Variants in NGLY1 observed in about 807,000 individuals in gnomAD.
NGLY1 encodes N-glycanase 1.
A neutral mutation model predicts 84.6 loss-of-function variants in NGLY1; 68 were observed. The observed-to-expected ratio is 0.80, with a 90% CI of 0.66 to 0.98. NGLY1 has a LOEUF of 0.98. Among genes scored for constraint, NGLY1 ranks in the 50% least tolerant of loss-of-function variants. The probability of loss-of-function intolerance (pLI) is 0.00; values close to 1 mark genes in which losing one functional copy is unlikely to be tolerated. For missense variants in NGLY1, 779 were observed against 770.2 expected (o/e 1.01, Z -0.14); for synonymous variants, 280 against 275.2 (o/e 1.02, Z -0.17).
At chr3:25,782,601 T>C (rs797006861) in intron 1 of NGLY1, 3 of 152,326 alleles carry the variant, frequency 2.0e-5, no homozygotes, top group African/African-American at 7.2e-5. Context: ...TCCAAGGCGA[T>C]TACCTCCACG....
chr3:25,783,462 G>T (rs963093720), upstream of NGLY1: 3 of 1,367,830 alleles, frequency 2.2e-6, no homozygotes, highest in Admixed American at 4.0e-5. The surrounding 1 kb of genome is among the most constrained non-coding windows in gnomAD (Gnocchi z 4.5). Flanking sequence ...GCCTCAGCGC[G>T]CAGCAGCTAC....
rs748862974 is a variant in NGLY1, at chr3:25,739,799, C to T, written c.659G>A (p.Gly220Asp). 5.0e-5 allele frequency: 80 copies of T among 1,611,082 alleles called. No homozygotes were observed. Among genetic ancestry groups the T allele is most frequent in the Admixed American group, 3.8e-4 (23 of 59,792 alleles). ...AAAATCCTCATCACTTATATTGATACCTGAGAAATTAAGGGAGGACCAAGT... is the reference window on the plus strand; with the variant it reads ...AAAATCCTCATCACTTATATTGATATCTGAGAAATTAAGGGAGGACCAAGT... ...KLSRARKLDK[G>D]INISDEDFLL... The change falls in exon 5 of 12, where the codon GGT becomes GAT. Residue 220 changes from glycine to aspartate, a missense_variant and splice_region_variant. By Grantham distance (94) the Gly-to-Asp change is moderately conservative. Coordinates refer to ENST00000280700, the MANE Select transcript of NGLY1 (RefSeq NM_018297.4).
intron 10 of NGLY1, among the ~76,000 whole-genome samples, chr3:25,721,220 C>G (rs1704971273): frequency 6.6e-6 from 1 of 152,112 alleles, no homozygotes; most frequent in Admixed American, 6.5e-5. Context: ...CCTCCAACTA[C>G]CATGCCTGGC....
At chr3:25,788,167 T>A (rs560637799), upstream of NGLY1, among the ~76,000 whole-genome samples, 99 of 152,278 alleles carry the variant, frequency 6.5e-4, 1 homozygote, top group Admixed American at 2.2e-3. Flanking sequence ...ACTTCAAGCA[T>A]TGATAGGAAG....
At chr3:25,770,147 T>C (rs1281218050) in intron 2 of NGLY1, among the ~76,000 whole-genome samples, 2 of 152,210 alleles carry the variant, frequency 1.3e-5, no homozygotes, top group Non-Finnish European at 2.9e-5. Flanking sequence ...GTAGTATTCA[T>C]AGTATTCCAC....
At chr3:25,743,953 CAG>C (rs1308060356) in intron 4 of NGLY1, among the ~76,000 whole-genome samples, 18 of 152,120 alleles carry the variant, frequency 1.2e-4, no homozygotes, top group Non-Finnish European at 1.0e-4. Context: ...TCAGAAATCT[CAG>C]AGATAAGGGA....
intron 9 of NGLY1, chr3:25,729,859 C>A (rs529512862): frequency 6.6e-6 from 1 of 152,330 alleles, no homozygotes; most frequent in East Asian, 1.9e-4. Context: ...TCTTCCCTTT[C>A]ATTTCTACAC....
intron 3 of NGLY1, among the ~76,000 whole-genome samples, chr3:25,751,515 C>T (rs1039401159): frequency 5.3e-5 from 8 of 152,094 alleles, no homozygotes; most frequent in Non-Finnish European, 7.4e-5. Context: ...TAAGGATATG[C>T]GGAATTCTTG....
chr3:25,785,680 AC>A (rs1440359747), upstream of NGLY1, among the ~76,000 whole-genome samples: 8 of 146,658 alleles, frequency 5.5e-5, no homozygotes, highest in Admixed American at 4.8e-4. Context: ...CAAAAAAAAA[AC>A]AAAAACAAAA....
intron 4 of NGLY1, among the ~76,000 whole-genome samples, chr3:25,741,431 G>T (rs1706135375): frequency 6.6e-6 from 1 of 151,428 alleles, no homozygotes; most frequent in African/African-American, 2.4e-5. Context: ...ATGATATTAG[G>T]ACAAATAGCT....
intron 7 of NGLY1, chr3:25,734,227 G>T: frequency 3.1e-6 from 1 of 325,502 alleles, no homozygotes; most frequent in East Asian, 6.2e-5. Flanking sequence ...CATCACGCCT[G>T]GCTGATTTTT....
intron 3 of NGLY1, chr3:25,755,731 C>A: frequency 9.1e-7 from 1 of 1,097,964 alleles, no homozygotes; most frequent in Non-Finnish European, 1.3e-6. Context: ...GGTTTTGAGC[C>A]CAATATACTG....
At chr3:25,783,535 CGGGGTCCTCGGCCGGCAGG>C, upstream of NGLY1, 1 of 181,760 alleles carries the variant, frequency 5.5e-6, no homozygotes, top group Non-Finnish European at 9.4e-6. This position sits in a 1 kb window ranked among gnomAD's most constrained non-coding sequence, Gnocchi z 4.5. Flanking sequence ...CCGGCAGGGG[CGGGGTCCTCGGCCGGCAGG>C]GGCGGGGTCC....
chr3:25,730,250 T>C (rs1407050133), intron 9 of NGLY1: 5 of 152,136 alleles, frequency 3.3e-5, no homozygotes, highest in Admixed American at 1.3e-4. Flanking sequence ...GTTTCTTCTG[T>C]TTCCAATTGA....
At chr3:25,762,154 C>CA (rs879562043) in intron 3 of NGLY1, among the ~76,000 whole-genome samples, 92 of 140,616 alleles carry the variant, frequency 6.5e-4, no homozygotes, top group Middle Eastern at 3.7e-3. Flanking sequence ...TAGTTTTAAC[C>CA]AAAAAAAAAA....
chr3:25,775,144 C>A (rs1708096873), intron 2 of NGLY1, among the ~76,000 whole-genome samples: 1 of 152,258 alleles, frequency 6.6e-6, no homozygotes, highest in Non-Finnish European at 1.5e-5. Context: ...TTTGCAGCAG[C>A]AAGCTGCTTT....
At chr3:25,755,010 C>G in intron 3 of NGLY1, 1 of 898,126 alleles carries the variant, frequency 1.1e-6, no homozygotes, top group South Asian at 1.3e-5. Context: ...ATGGGAATCA[C>G]AGACTACAAA....
Position 25,783,375 on chromosome 3 carries a change from A to G in NGLY1, c.16T>C (p.Leu6=), listed in dbSNP as rs1481308931. The G allele has an allele frequency of 1.3e-6, 2 of 1,544,438 alleles. No individual in the cohort carries two copies. Among genetic ancestry groups the G allele is most frequent in the Non-Finnish European group, 1.7e-6 (2 of 1,146,300 alleles). Residue 6 remains leucine (L), a synonymous_variant, in exon 1 of 12, where the codon TTG becomes CTG. Coordinates refer to ENST00000280700, the MANE Select transcript of NGLY1 (RefSeq NM_018297.4). The surrounding 1 kb of genome is among the most constrained non-coding windows in gnomAD (Gnocchi z 4.5). The part of the protein sequence containing the change: MAAAA[L]GSSSGSASPA... ...GACGCCGAGCCTGAGGAGCTGCCCAATGCCGCCGCCGCCATGCTTGAGCGC... is the reference window on the plus strand; with the variant it reads ...GACGCCGAGCCTGAGGAGCTGCCCAGTGCCGCCGCCGCCATGCTTGAGCGC...
intron 1 of NGLY1, among the ~76,000 whole-genome samples, chr3:25,779,869 C>G (rs917123472): frequency 1.3e-5 from 2 of 152,130 alleles, no homozygotes; most frequent in Non-Finnish European, 2.9e-5. Flanking sequence ...GACAAATGCT[C>G]TATTTTTTTT....
Sources: allele counts gnomAD v4.1 joint callset (sites outside exome capture counted in the v4.1 genomes callset), GRCh38; gene constraint gnomAD v4.1.1; non-coding constraint Gnocchi (gnomAD v3.1); transcripts MANE v1.5; gene names NCBI Gene and HGNC (gene_info 2026-07-23, HGNC 2026-07-21).